KDM4B: variants seen among roughly 807,000 people sequenced by gnomAD.
KDM4B encodes the protein lysine-specific demethylase 4B.
A neutral mutation model predicts 125.2 loss-of-function variants in KDM4B; 32 were observed. The observed-to-expected ratio is 0.26, with a 90% CI of 0.19 to 0.34. The LOEUF is 0.34. Among genes scored for constraint, KDM4B ranks in the 10% least tolerant of loss-of-function variants. The pLI is 1.00. For missense variants in KDM4B, 1,190 were observed against 1,577.7 expected, an observed-to-expected ratio of 0.75 and a Z score of 4.16; for synonymous variants, 721 against 677.9, an observed-to-expected ratio of 1.06 and a Z score of -0.99.
At chr19:5,026,420 C>T (rs1159820628) in intron 2 of KDM4B, among the ~76,000 whole-genome samples, 22 of 152,150 alleles carry the variant, frequency 1.4e-4, no homozygotes, top group Admixed American at 9.2e-4. Context: ...TGAGCTCAAT[C>T]GAGTGTCCCA....
chr19:5,013,812 G>C (rs2035804517), intron 1 of KDM4B, among the ~76,000 whole-genome samples: 1 of 152,252 alleles, frequency 6.6e-6, no homozygotes, highest in South Asian at 2.1e-4. Flanking sequence ...TTAGGATGGG[G>C]ACATCTTTGG....
Position 5,110,739 on chromosome 19 carries a change from C to T in KDM4B, c.1036C>T (p.Arg346Trp), listed in dbSNP as rs754451824. Residue 346 changes from arginine to tryptophan, a missense_variant, in exon 10 of 23, where the codon CGG becomes TGG. Physicochemically the swap from Arg to Trp is moderately radical, Grantham distance 101. Coordinates refer to ENST00000159111, the MANE Select transcript of KDM4B (RefSeq NM_015015.3). ...GKDLTVLDHT[R>W]PTALTSPELS... is the part of the protein sequence containing the mutation. ...GGACCTCACGGTGCTGGACCACACG[C>T]GGCCCACGGCGCTCACCAGCCCCGA... 5.0e-6 allele frequency: 8 copies of T among 1,611,860 alleles called. No homozygotes were observed. Among genetic ancestry groups the T allele is most frequent in the East Asian group, 2.2e-5 (1 of 44,828 alleles).
In KDM4B at chr19:5,064,785, C is replaced by T. The variant is rs140737315; in HGVS notation, c.627-6225C>T. On this transcript the variant is annotated intron_variant, in intron 6 of 22. Coordinates refer to ENST00000159111, the MANE Select transcript of KDM4B (RefSeq NM_015015.3). ...GAGAGGGCGCTGGGAGTCACCTGGTCGCTCTGGAAGTGCCGCCCAGGTAGG... is the reference window on the plus strand; with the variant it reads ...GAGAGGGCGCTGGGAGTCACCTGGTTGCTCTGGAAGTGCCGCCCAGGTAGG... Among the ~76,000 whole-genome samples the T allele has an allele frequency of 5.0e-3, 766 of 152,268 alleles. 7 individuals carry two copies. Among genetic ancestry groups the T allele is most frequent in the African/African-American group, 0.018 (738 of 41,546 alleles).
chr19:5,084,536 A>G (rs1381136098), intron 9 of KDM4B, among the ~76,000 whole-genome samples: 2 of 121,304 alleles, frequency 1.6e-5, no homozygotes, highest in South Asian at 5.0e-4. Context: ...TATGTTATTT[A>G]TATATTATAT....
intron 11 of KDM4B, among the ~76,000 whole-genome samples, chr19:5,125,107 C>T (rs1175095499): frequency 6.6e-6 from 1 of 151,986 alleles, no homozygotes. Flanking sequence ...GCTATGTTGC[C>T]CAAGCTGCTC....
intron 1 of KDM4B, among the ~76,000 whole-genome samples, chr19:5,005,904 GTCC>G (rs781550341): frequency 3.9e-5 from 6 of 152,144 alleles, no homozygotes; most frequent in Non-Finnish European, 8.8e-5. Flanking sequence ...CAGTCACCGC[GTCC>G]TCCTCTGGCG....
At chr19:5,006,382 C>T (rs2035560185) in intron 1 of KDM4B, among the ~76,000 whole-genome samples, 2 of 152,088 alleles carry the variant, frequency 1.3e-5, no homozygotes, top group African/African-American at 4.8e-5. Flanking sequence ...CCTGGCACTC[C>T]AGGCCCCTCC....
At chr19:4,982,885 A>C (rs1362642752) in intron 1 of KDM4B, among the ~76,000 whole-genome samples, 1 of 152,184 alleles carries the variant, frequency 6.6e-6, no homozygotes, top group African/African-American at 2.4e-5. Context: ...TGCTGGGATG[A>C]CAGGTGTGAG....
At chr19:5,053,377 A>G (rs903736272) in intron 6 of KDM4B, among the ~76,000 whole-genome samples, 3 of 152,228 alleles carry the variant, frequency 2.0e-5, no homozygotes, top group Non-Finnish European at 4.4e-5. Flanking sequence ...CTTCCCAGCC[A>G]CACACACTGA....
chr19:4,969,885 T>C (rs2034192193), intron 1 of KDM4B, among the ~76,000 whole-genome samples: 1 of 149,642 alleles, frequency 6.7e-6, no homozygotes, highest in Non-Finnish European at 1.5e-5. Context: ...GCATATGCAA[T>C]CTGGATTTTA....
intron 10 of KDM4B, 120 bp from the exon 11 acceptor site, chr19:5,119,533 C>A (rs2256523): frequency 1.0e-6 from 1 of 999,462 alleles, no homozygotes; most frequent in Non-Finnish European, 1.5e-6. Flanking sequence ...AGGAGGCCCC[C>A]TGCTCATGGA....
Position 5,141,069 on chromosome 19 carries a change from G to C in KDM4B, c.2551-2898G>C, listed in dbSNP as rs558562449. The C allele has an allele frequency of 1.3e-5, 2 of 152,260 alleles. No individual in the cohort carries two copies. The highest frequency in any genetic ancestry group is 2.9e-5 in the Non-Finnish European group (2 of 68,058). 9.4% of individuals were successfully genotyped at this position (152,260 alleles called of 1,614,324 possible). ...AGACCACAAGGGTGGGACTGATGCC[G>C]GCCACAAAGCCCGGGCTCCCATGCA... On this transcript the variant is annotated intron_variant, in intron 18 of 22. Coordinates refer to ENST00000159111, the MANE Select transcript of KDM4B (RefSeq NM_015015.3). This position sits in a 1 kb window ranked among gnomAD's most constrained non-coding sequence, Gnocchi z 6.4.
chr19:5,126,807 CCT>C (rs1305891762), intron 11 of KDM4B, among the ~76,000 whole-genome samples: 5 of 152,226 alleles, frequency 3.3e-5, no homozygotes, highest in African/African-American at 4.8e-5. Context: ...CCAGAGAGCC[CCT>C]GAGACCGGGG....
rs1286386938 is a variant in KDM4B at position 5,035,998 on chromosome 19, C to T, written c.141+2967C>T. ...GGCACCCGCATGTGGCACACGCACACCCCCTTCTGCAGCTCTGTGGGGACA... is the reference window on the plus strand; with the variant it reads ...GGCACCCGCATGTGGCACACGCACATCCCCTTCTGCAGCTCTGTGGGGACA... On this transcript the variant is annotated intron_variant, in intron 3 of 22. Coordinates refer to ENST00000159111, the MANE Select transcript of KDM4B (RefSeq NM_015015.3). This position sits in a 1 kb window ranked among gnomAD's most constrained non-coding sequence, Gnocchi z 5.3. Among the ~76,000 whole-genome samples the T allele has an allele frequency of 1.3e-5, 2 of 152,178 alleles. No individual in the cohort carries two copies. The highest frequency in any genetic ancestry group is 6.5e-5 in the Admixed American group (1 of 15,288).
intron 1 of KDM4B, among the ~76,000 whole-genome samples, chr19:4,976,826 C>T (rs1025165330): frequency 6.6e-6 from 1 of 152,200 alleles, no homozygotes; most frequent in Non-Finnish European, 1.5e-5. Flanking sequence ...TCACTCTTCT[C>T]CTGGCTGACA....
At chr19:4,992,972 G>A (rs2035075288) in intron 1 of KDM4B, among the ~76,000 whole-genome samples, 1 of 152,130 alleles carries the variant, frequency 6.6e-6, no homozygotes, top group Admixed American at 6.6e-5. Context: ...AATGAGGCTT[G>A]TTTTATGGAC....
rs2039975651 is a variant in KDM4B at position 5,153,143 on chromosome 19, A to G, written c.*1632A>G. On this transcript the variant is annotated 3_prime_UTR_variant, in exon 23 of 23. Transcript: ENST00000159111. The stretch of plus-strand genomic sequence containing the variant: ...GAAAACAGAGAGAGTGTTACGCAGG[A>G]GCAAGCCTTTCATTTCCTTGGTGGG... 2 of 141,630 alleles carry G rather than the reference A, an allele frequency of 1.4e-5. No individual in the cohort carries two copies. The highest frequency in any genetic ancestry group is 1.4e-4 in the Admixed American group (2 of 13,880). 8.8% of individuals were successfully genotyped at this position (141,630 alleles called of 1,614,324 possible).
rs1042080636 is a variant in KDM4B, at chr19:5,082,257, C to T, written c.781-110C>T. ...GGATCACCTTTGACTTTGTGAAACC[C>T]CCTTGGCTCATAAGCCAGGCTCCCT... On this transcript the variant is annotated intron_variant, in intron 8 of 22. Transcript: ENST00000159111. This position sits in a 1 kb window ranked among gnomAD's most constrained non-coding sequence, Gnocchi z 5.4. 2.2e-6 allele frequency: 3 copies of T among 1,344,336 alleles called. No homozygotes were observed. The African/African-American group carries it at 4.4e-5, about 20-fold the overall frequency. The allele number at this position is 1,344,336 out of a possible 1,614,324, so 83.3% of individuals were successfully genotyped here.
chr19:5,102,686 CG>C (rs1230740151), intron 9 of KDM4B, among the ~76,000 whole-genome samples: 3 of 152,146 alleles, frequency 2.0e-5, no homozygotes, highest in Non-Finnish European at 2.9e-5. Flanking sequence ...CTCCCTTCAC[CG>C]GCAATGGGCG....
Sources: gnomAD v4.1 joint callset for allele counts (sites outside exome capture counted in the v4.1 genomes callset) on GRCh38, gnomAD v4.1.1 for gene constraint, Gnocchi (gnomAD v3.1) non-coding constraint, MANE v1.5 for transcripts, NCBI Gene and HGNC (gene_info 2026-07-23, HGNC 2026-07-21) for gene names.